The following ARHGAP10 variants were observed in gnomAD, a reference collection of about 807,000 sequenced individuals.
ARHGAP10 encodes rho GTPase-activating protein 10.
Under a neutral mutation model 108.6 loss-of-function variants are expected in ARHGAP10, and 87 were observed. The ratio of observed to expected loss-of-function variants is 0.80; its 90% CI spans 0.67 to 0.96. The LOEUF is 0.96. Among genes scored for constraint, ARHGAP10 ranks in the 40% least tolerant of loss-of-function variants. ARHGAP10 has a pLI of 0.00. For missense variants in ARHGAP10, 939 were observed against 954.5 expected, an observed-to-expected ratio of 0.98 and a Z score of 0.21; for synonymous variants, 347 against 341.1, an observed-to-expected ratio of 1.02 and a Z score of -0.19.
intron 20 of ARHGAP10, 54 bp from the exon 21 acceptor site, chr4:148,063,094 C>T (rs1258912707): frequency 2.4e-5 from 39 of 1,592,494 alleles, no homozygotes; most frequent in Admixed American, 3.4e-5. Flanking sequence ...TTGTGCATTT[C>T]GTGTTCTGTG....
Position 147,954,925 on chromosome 4 carries a change from C to T in ARHGAP10, c.1392-391C>T, listed in dbSNP as rs1738732430. 5.9e-5 allele frequency among the ~76,000 whole-genome samples: 9 copies of T among 151,946 alleles called. No homozygotes were observed. The South Asian group carries it at 1.9e-3, about 32-fold the overall frequency. ...TTCTATGTATTTTGTGTGGAATCTT[C>T]AGCTAATATCTTAGAGATGAAGTTT... On this transcript the variant is annotated intron_variant, in intron 15 of 22. Coordinates refer to ENST00000336498, the MANE Select transcript of ARHGAP10 (RefSeq NM_024605.4).
At chr4:148,070,339 C>G (rs1001690436) in intron 22 of ARHGAP10, among the ~76,000 whole-genome samples, 4 of 152,070 alleles carry the variant, frequency 2.6e-5, no homozygotes, top group Non-Finnish European at 4.4e-5. Flanking sequence ...GCATTCAGGC[C>G]CAAGGGAACA....
intron 4 of ARHGAP10, among the ~76,000 whole-genome samples, chr4:147,852,361 C>T (rs986308706): frequency 6.6e-6 from 1 of 152,168 alleles, no homozygotes. Flanking sequence ...CAGGTGTCTG[C>T]CAGGCACCCT....
intron 14 of ARHGAP10, among the ~76,000 whole-genome samples, chr4:147,945,090 A>C (rs71616573): frequency 5.7e-4 from 86 of 152,132 alleles, no homozygotes; most frequent in Non-Finnish European, 1.0e-3. Flanking sequence ...AGGTTGTTAG[A>C]AGCGTGTAAG....
At chr4:147,854,712 C>T in intron 4 of ARHGAP10, 3 of 984,142 alleles carry the variant, frequency 3.0e-6, no homozygotes, top group South Asian at 9.4e-5. Context: ...AACAATAATA[C>T]TCTATAATGA....
chr4:147,989,437 C>T (rs6841530), intron 18 of ARHGAP10, among the ~76,000 whole-genome samples: 23,325 of 150,876 alleles, frequency 0.15, 2,560 homozygotes, highest in African/African-American at 0.37. Flanking sequence ...AGCCTGGGAG[C>T]GGTATGGGAG....
intron 18 of ARHGAP10, among the ~76,000 whole-genome samples, chr4:148,013,313 A>T (rs1202787778): frequency 2.0e-5 from 3 of 152,230 alleles, no homozygotes; most frequent in Non-Finnish European, 2.9e-5. Flanking sequence ...GATTCTGATA[A>T]ATACATATAC....
At chr4:147,770,869 A>T (rs913106296) in intron 1 of ARHGAP10, among the ~76,000 whole-genome samples, 11 of 152,242 alleles carry the variant, frequency 7.2e-5, no homozygotes, top group Non-Finnish European at 1.5e-4. Context: ...GTAATTCTGG[A>T]GGCTAGAAGT....
rs998065852 is a variant in ARHGAP10 at position 148,063,603 on chromosome 4, A to G, written c.2180+303A>G. On this transcript the variant is annotated intron_variant, in intron 21 of 22. Coordinates refer to ENST00000336498, the MANE Select transcript of ARHGAP10 (RefSeq NM_024605.4). ...TTGGAAGAACTTCTTGCTCATGAGT[A>G]TAAAGCACATTCTTCGTTTTAAAAG... 4.6e-5 allele frequency among the ~76,000 whole-genome samples: 7 copies of G among 152,356 alleles called. No homozygotes were observed. In the South Asian group the frequency reaches 6.2e-4, roughly 14 times the overall value.
At chr4:147,899,390 T>C (rs1030418735) in intron 10 of ARHGAP10, among the ~76,000 whole-genome samples, 1 of 152,076 alleles carries the variant, frequency 6.6e-6, no homozygotes, top group African/African-American at 2.4e-5. Context: ...AGGGAGTGGC[T>C]TGTCACTCTT....
At chr4:148,069,202 T>C (rs938433137) in intron 22 of ARHGAP10, among the ~76,000 whole-genome samples, 24 of 152,292 alleles carry the variant, frequency 1.6e-4, no homozygotes, top group African/African-American at 5.8e-4. Flanking sequence ...GCCAGCCTTA[T>C]CTGCAACTGC....
chr4:148,042,218 T>G (rs1014773725), intron 19 of ARHGAP10, among the ~76,000 whole-genome samples: 4 of 152,190 alleles, frequency 2.6e-5, no homozygotes, highest in African/African-American at 9.7e-5. Flanking sequence ...AGGCTCATCT[T>G]AAGTTTCTCT....
chr4:147,788,288 TA>T (rs1403315402), intron 1 of ARHGAP10, among the ~76,000 whole-genome samples: 2 of 151,164 alleles, frequency 1.3e-5, no homozygotes, highest in Non-Finnish European at 3.0e-5. Context: ...CTATTAAAAA[TA>T]AAAAAAAATT....
At chr4:147,788,147 T>TA (rs1730970125) in intron 1 of ARHGAP10, among the ~76,000 whole-genome samples, 1 of 152,048 alleles carries the variant, frequency 6.6e-6, no homozygotes, top group East Asian at 1.9e-4. Flanking sequence ...TTTTTTTTTT[T>TA]AAAAAGCGTT....
chr4:147,914,159 G>T (rs977265788), intron 13 of ARHGAP10, among the ~76,000 whole-genome samples: 2 of 152,108 alleles, frequency 1.3e-5, no homozygotes, highest in Admixed American at 1.3e-4. Flanking sequence ...CTCAAAAAAA[G>T]AAATCCGCTT....
rs1730703075 is a variant in ARHGAP10, at chr4:147,784,167, TATTATATATTTTACATAACATTAA to T, written c.155-38556_155-38533del. Among the ~76,000 whole-genome samples, 11 of 91,630 alleles carry T rather than the reference TATTATATATTTTACATAACATTAA, an allele frequency of 1.2e-4. 1 individual carries two copies. The South Asian group carries it at 5.5e-3, about 46-fold the overall frequency. 60.1% of individuals were successfully genotyped at this position (91,630 alleles called of 152,430 possible). ...ATATTTTACATAACATTAAATTGTG[TATTATATATTTTACATAACATTAA>T]ATTGTGTATTATATATTTTACATAA... On this transcript the variant is annotated intron_variant, in intron 1 of 22. Transcript: ENST00000336498.
At chr4:147,867,305 G>A (rs886281204) in intron 7 of ARHGAP10, among the ~76,000 whole-genome samples, 1 of 152,058 alleles carries the variant, frequency 6.6e-6, no homozygotes, top group East Asian at 1.9e-4. Flanking sequence ...GCCAGGTCTC[G>A]GATAAAGAGA....
At chr4:147,750,375 A>G (rs1472601032) in intron 1 of ARHGAP10, among the ~76,000 whole-genome samples, 1 of 152,180 alleles carries the variant, frequency 6.6e-6, no homozygotes, top group Non-Finnish European at 1.5e-5. Context: ...CAGAGTGTAC[A>G]TTAGGAAGAA....
chr4:147,975,819 A>G (rs991279669), intron 18 of ARHGAP10, among the ~76,000 whole-genome samples: 1 of 152,220 alleles, frequency 6.6e-6, no homozygotes, highest in African/African-American at 2.4e-5. Flanking sequence ...AGCAGTGTCC[A>G]ATGTAATCAC....
Sources: allele counts gnomAD v4.1 joint callset (sites outside exome capture counted in the v4.1 genomes callset), GRCh38; gene constraint gnomAD v4.1.1; transcripts MANE v1.5; gene names NCBI Gene and HGNC (gene_info 2026-07-23, HGNC 2026-07-21).